ABTB2: variants seen among roughly 807,000 people sequenced by gnomAD.
ABTB2 encodes ankyrin repeat and BTB domain containing 2.
ABTB2 carries 56 observed loss-of-function variants against 104.1 expected under a neutral mutation model. The observed-to-expected ratio is 0.54, with a 90% CI of 0.43 to 0.67. ABTB2 has a LOEUF of 0.67. Ranked by LOEUF, ABTB2 falls within the 30% of genes least tolerant of loss-of-function variation. The pLI is 0.00. For missense variants in ABTB2, 1,279 were observed against 1,407.7 expected (o/e 0.91, Z 1.46); for synonymous variants, 606 against 608.2 (o/e 1.00, Z 0.05).
chr11:34,314,739 G>C (rs1478976952), intron 1 of ABTB2, among the ~76,000 whole-genome samples: 1 of 152,128 alleles, frequency 6.6e-6, no homozygotes, highest in African/African-American at 2.4e-5. Flanking sequence ...TAATTTTCAG[G>C]GTCCAGATCA....
chr11:34,249,008 A>G (rs545542250), intron 1 of ABTB2, among the ~76,000 whole-genome samples: 2 of 152,354 alleles, frequency 1.3e-5, no homozygotes, highest in African/African-American at 4.8e-5. Flanking sequence ...CACATGCTGT[A>G]ATCCCAGCTA....
intron 1 of ABTB2, among the ~76,000 whole-genome samples, chr11:34,320,084 T>C (rs1344338829): frequency 6.6e-6 from 1 of 152,158 alleles, no homozygotes; most frequent in Non-Finnish European, 1.5e-5. Flanking sequence ...AATGAGCTAG[T>C]GAGTATAAAG....
chr11:34,207,152 C>T lies in ABTB2; in HGVS notation c.884-2462G>A, dbSNP rs139144013. On this transcript the variant is annotated intron_variant, in intron 1 of 16. Coordinates refer to ENST00000435224, the MANE Select transcript of ABTB2 (RefSeq NM_145804.3). ...CACCCCAACTACAGGCTGAAACCCA[C>T]GACAGGCCAAACAGCTGGGAGAGCC... Among the ~76,000 whole-genome samples, 1,344 of 152,354 alleles carry T rather than the reference C, an allele frequency of 8.8e-3. 26 individuals carry two copies. The highest frequency in any genetic ancestry group is 0.03 in the African/African-American group (1,246 of 41,588).
chr11:34,262,116 A>T (rs1854195100), intron 1 of ABTB2, among the ~76,000 whole-genome samples: 1 of 152,238 alleles, frequency 6.6e-6, no homozygotes, highest in African/African-American at 2.4e-5. Flanking sequence ...TTTGATAGAG[A>T]AATAAATGAT....
At chr11:34,317,016 G>A (rs1042427136) in intron 1 of ABTB2, among the ~76,000 whole-genome samples, 11 of 152,212 alleles carry the variant, frequency 7.2e-5, no homozygotes, top group African/African-American at 2.7e-4. Context: ...TACTCAGGGC[G>A]GTAGAGGCAC....
chr11:34,252,488 C>G lies in ABTB2; in HGVS notation c.884-47798G>C, dbSNP rs1159776276. Among the ~76,000 whole-genome samples the G allele has an allele frequency of 6.6e-6, 1 of 152,118 alleles. No individual in the cohort carries two copies. Among genetic ancestry groups the G allele is most frequent in the East Asian group, 1.9e-4 (1 of 5,186 alleles). ...CTCCCCACCACCGCTGGGCATGACC[C>G]TAAGAGAAAGACTAGATTCCTAACC... On this transcript the variant is annotated intron_variant, in intron 1 of 16. Coordinates refer to ENST00000435224, the MANE Select transcript of ABTB2 (RefSeq NM_145804.3). This position sits in a 1 kb window ranked among gnomAD's most constrained non-coding sequence, Gnocchi z 5.5.
intron 10 of ABTB2, 29 bp from the exon 11 acceptor site, chr11:34,161,110 C>A: frequency 6.3e-7 from 1 of 1,579,932 alleles, no homozygotes; most frequent in South Asian, 1.2e-5. Flanking sequence ...GGCAGGCAGT[C>A]ACGCACCACA....
At chr11:34,343,276 A>G (rs2133124608) in intron 1 of ABTB2, among the ~76,000 whole-genome samples, 1 of 152,272 alleles carries the variant, frequency 6.6e-6, no homozygotes, top group African/African-American at 2.4e-5. Flanking sequence ...GAAAGTCACC[A>G]TCCTAGGTGG....
At chr11:34,258,602 GCTC>G (rs758802255) in intron 1 of ABTB2, among the ~76,000 whole-genome samples, 10,486 of 137,054 alleles carry the variant, frequency 0.077, 983 homozygotes, top group African/African-American at 0.26. Context: ...AGAAGTGCCT[GCTC>G]TTTTTTTTTT....
At chr11:34,312,638 T>C (rs1854871259) in intron 1 of ABTB2, among the ~76,000 whole-genome samples, 1 of 152,210 alleles carries the variant, frequency 6.6e-6, no homozygotes, top group Admixed American at 6.5e-5. Context: ...ATTTGTTCTT[T>C]CATCTCTCAG....
At chr11:34,237,299 T>TTC (rs1445052113) in intron 1 of ABTB2, among the ~76,000 whole-genome samples, 2 of 145,426 alleles carry the variant, frequency 1.4e-5, no homozygotes, top group African/African-American at 5.4e-5. Flanking sequence ...TTTTTTTTTT[T>TTC]AGACCGAGTC....
intron 9 of ABTB2, among the ~76,000 whole-genome samples, chr11:34,163,009 A>T (rs1185614381): frequency 6.6e-6 from 1 of 152,180 alleles, no homozygotes; most frequent in Non-Finnish European, 1.5e-5. Context: ...GGCAGGGTGC[A>T]GGGGAACCCA....
intron 1 of ABTB2, among the ~76,000 whole-genome samples, chr11:34,229,119 T>TG (rs1215303320): frequency 3.7e-4 from 6 of 16,284 alleles, no homozygotes; most frequent in East Asian, 3.1e-3. Context: ...GACTCCGTCT[T>TG]GGAAAAAAAA....
At chr11:34,236,214 C>T (rs1853841199) in intron 1 of ABTB2, among the ~76,000 whole-genome samples, 1 of 151,834 alleles carries the variant, frequency 6.6e-6, no homozygotes, top group Admixed American at 6.6e-5. Context: ...GAGTTTTTTC[C>T]CTGGAAAGAA....
chr11:34,304,348 C>T (rs1033717346), intron 1 of ABTB2, among the ~76,000 whole-genome samples: 1 of 152,084 alleles, frequency 6.6e-6, no homozygotes, highest in Non-Finnish European at 1.5e-5. Context: ...TGAGCTCAAG[C>T]TATTCTCCGG....
At chr11:34,175,835 C>G (rs1445345600) in intron 3 of ABTB2, among the ~76,000 whole-genome samples, 2 of 152,234 alleles carry the variant, frequency 1.3e-5, no homozygotes, top group Non-Finnish European at 2.9e-5. Context: ...CACCAGCACT[C>G]ATGGACCTCA....
chr11:34,335,020 A>G, intron 1 of ABTB2: 1 of 584,132 alleles, frequency 1.7e-6, no homozygotes, highest in Admixed American at 3.1e-5. Context: ...AATAAATAGA[A>G]ATAAGTATAT....
chr11:34,161,206 C>T (rs1685392384), intron 10 of ABTB2, 125 bp from the exon 11 acceptor site: 1 of 956,922 alleles, frequency 1.0e-6, no homozygotes, highest in Non-Finnish European at 1.5e-6. Flanking sequence ...CCCCGCCCGC[C>T]CCCTCCCGCC....
intron 3 of ABTB2, among the ~76,000 whole-genome samples, chr11:34,182,914 G>A (rs1196663991): frequency 1.3e-5 from 2 of 152,076 alleles, no homozygotes; most frequent in East Asian, 3.9e-4. Context: ...GAGGTCACTT[G>A]CCCTATGTCA....
Sources: allele counts gnomAD v4.1 joint callset (sites outside exome capture counted in the v4.1 genomes callset), GRCh38; gene constraint gnomAD v4.1.1; non-coding constraint Gnocchi (gnomAD v3.1); transcripts MANE v1.5; gene names NCBI Gene and HGNC (gene_info 2026-07-23, HGNC 2026-07-21).